SORT1: variants seen among roughly 807,000 people sequenced by gnomAD.
SORT1 encodes the protein sortilin.
SORT1 carries 39 observed loss-of-function variants against 101.7 expected under a neutral mutation model. The ratio of observed to expected loss-of-function variants is 0.38; its 90% CI spans 0.30 to 0.50. The LOEUF is 0.50. Ranked by LOEUF, SORT1 falls within the 20% of genes least tolerant of loss-of-function variation. The pLI is 0.90. For missense variants in SORT1, 878 were observed against 1,040.4 expected, an observed-to-expected ratio of 0.84 and a Z score of 2.15; for synonymous variants, 396 against 393.7, an observed-to-expected ratio of 1.01 and a Z score of -0.07.
At position 109,317,847 on chromosome 1, in the gene SORT1, C is replaced by T; in HGVS notation, c.2141+6G>A. ...CATCGTGACAAGGGAGAAAAGGCCA[C>T]CTCACCCATTTGTTGTTAGGTGTTC... On this transcript the variant is annotated splice_donor_region_variant and intron_variant, in intron 16 of 19. Coordinates refer to ENST00000256637, the MANE Select transcript of SORT1 (RefSeq NM_002959.7). The T allele has an allele frequency of 6.3e-7, 1 of 1,579,110 alleles. No individual in the cohort carries two copies. Among genetic ancestry groups the T allele is most frequent in the Non-Finnish European group, 8.7e-7 (1 of 1,149,134 alleles).
chr1:109,347,067 G>A (rs60301465), intron 7 of SORT1, among the ~76,000 whole-genome samples: 3,650 of 152,300 alleles, frequency 0.024, 153 homozygotes, highest in African/African-American at 0.083. Flanking sequence ...TAGCATATGA[G>A]CAGGTGCTCA....
At chr1:109,388,856 T>C (rs1177159536) in intron 1 of SORT1, among the ~76,000 whole-genome samples, 1 of 152,198 alleles carries the variant, frequency 6.6e-6, no homozygotes, top group African/African-American at 2.4e-5. Context: ...ATCTAATACC[T>C]GAGATCCTGT....
rs1389498466 is a variant in SORT1 at position 109,314,040 on chromosome 1, G to C, written c.*3C>G. On this transcript the variant is annotated 3_prime_UTR_variant, in exon 20 of 20. Coordinates refer to ENST00000256637, the MANE Select transcript of SORT1 (RefSeq NM_002959.7). ...CCATGCTGGGTCCAGCTCCTCTGAA[G>C]AGCTATTCCAAGAGGTCCTGAAAAA... The C allele has an allele frequency of 1.2e-6, 2 of 1,613,854 alleles. No individual in the cohort carries two copies. Among genetic ancestry groups the C allele is most frequent in the Non-Finnish European group, 1.7e-6 (2 of 1,179,884 alleles).
chr1:109,380,505 T>G (rs913341695), intron 1 of SORT1, among the ~76,000 whole-genome samples: 18 of 152,152 alleles, frequency 1.2e-4, no homozygotes, highest in South Asian at 2.1e-4. Context: ...GGGTTTCAAT[T>G]AATATAAAAT....
chr1:109,323,452 G>C (rs766972061), intron 14 of SORT1, among the ~76,000 whole-genome samples: 2 of 152,186 alleles, frequency 1.3e-5, no homozygotes, highest in Non-Finnish European at 2.9e-5. Flanking sequence ...GCACACCTAC[G>C]CCCTCAGTCA....
chr1:109,337,637 CTT>C (rs576096257), intron 10 of SORT1, among the ~76,000 whole-genome samples: 1 of 151,450 alleles, frequency 6.6e-6, no homozygotes, highest in Non-Finnish European at 1.5e-5. Context: ...TGTGAAAACT[CTT>C]TTTTTTGAGA....
chr1:109,387,307 T>G (rs1652627676), intron 1 of SORT1, among the ~76,000 whole-genome samples: 1 of 151,426 alleles, frequency 6.6e-6, no homozygotes, highest in Non-Finnish European at 1.5e-5. Context: ...AATAAATAAA[T>G]AAAAATAAAT....
intron 11 of SORT1, among the ~76,000 whole-genome samples, chr1:109,330,889 T>C (rs947696983): frequency 3.9e-5 from 6 of 152,102 alleles, no homozygotes; most frequent in African/African-American, 1.2e-4. Flanking sequence ...TTTCTAGACA[T>C]ATACAGCTTA....
chr1:109,314,635 G>C, intron 18 of SORT1, 37 bp downstream of exon 18: 1 of 1,418,060 alleles, frequency 7.1e-7, no homozygotes, highest in Non-Finnish European at 1.0e-6. Context: ...CTTCTGGCTT[G>C]AACTCAGTAC....
At chr1:109,325,778 C>G (rs1017872398) in intron 13 of SORT1, among the ~76,000 whole-genome samples, 1 of 151,740 alleles carries the variant, frequency 6.6e-6, no homozygotes, top group Non-Finnish European at 1.5e-5. Flanking sequence ...AGTTCGAGAC[C>G]AGCCTGACCA....
chr1:109,341,008 C>T, intron 9 of SORT1, 129 bp from the exon 10 acceptor site: 6 of 677,002 alleles, frequency 8.9e-6, no homozygotes, highest in Non-Finnish European at 1.5e-5. Context: ...ATGATGAAGA[C>T]TCAGACCTGA....
chr1:109,390,440 C>T (rs1474813166), intron 1 of SORT1, among the ~76,000 whole-genome samples: 1 of 152,006 alleles, frequency 6.6e-6, no homozygotes, highest in African/African-American at 2.4e-5. Context: ...AGCTGCTGCT[C>T]TAGTTTAAAA....
chr1:109,339,316 C>T (rs1209412982), intron 10 of SORT1, among the ~76,000 whole-genome samples: 1 of 152,130 alleles, frequency 6.6e-6, no homozygotes, highest in Admixed American at 6.5e-5. Flanking sequence ...GCTGTTCAGC[C>T]GTTTATTTGT....
intron 8 of SORT1, among the ~76,000 whole-genome samples, chr1:109,343,175 G>T (rs1649341188): frequency 6.6e-6 from 1 of 152,086 alleles, no homozygotes; most frequent in South Asian, 2.1e-4. Flanking sequence ...TAAAACTGAG[G>T]TAATACTATT....
intron 6 of SORT1, among the ~76,000 whole-genome samples, chr1:109,350,554 T>C (rs1312842831): frequency 6.6e-6 from 1 of 152,206 alleles, no homozygotes; most frequent in Non-Finnish European, 1.5e-5. Context: ...ATGACTGAAA[T>C]GGAACTCTAG....
Position 109,324,969 on chromosome 1 carries a change from G to A in SORT1, c.1764C>T (p.Phe588=), listed in dbSNP as rs1224400776. 6.2e-7 allele frequency: 1 copy of A among 1,613,858 alleles called. No homozygotes were observed. Among genetic ancestry groups the A allele is most frequent in the Non-Finnish European group, 8.5e-7 (1 of 1,179,764 alleles). ...ACTGGCTGGTCAGGAAAGATTCTGT[G>A]AAGCCCCAAATGCTGATATTCATGG... ...ARSMNISIWG[F]TESFLTSQWV... Residue 588 remains phenylalanine, a synonymous_variant, in exon 14 of 20, where the codon TTC becomes TTT. Coordinates refer to ENST00000256637, the MANE Select transcript of SORT1 (RefSeq NM_002959.7).
intron 1 of SORT1, among the ~76,000 whole-genome samples, chr1:109,392,195 CCCCCGT>C (rs1042919287): frequency 5.9e-5 from 9 of 152,138 alleles, no homozygotes; most frequent in African/African-American, 2.2e-4. Context: ...AAACGTTACT[CCCCCGT>C]CCTGACCATT....
chr1:109,367,160 G>A (rs1252317201), intron 3 of SORT1: 2 of 318,232 alleles, frequency 6.3e-6, no homozygotes, highest in Non-Finnish European at 1.2e-5. Context: ...CTGGGAGGTG[G>A]AGGCTGCAGT....
chr1:109,347,717 C>T (rs1431780325), intron 6 of SORT1, among the ~76,000 whole-genome samples, 185 bp from the exon 7 acceptor site: 1 of 152,202 alleles, frequency 6.6e-6, no homozygotes, highest in Non-Finnish European at 1.5e-5. Context: ...ACTGCCCGGC[C>T]CATGTGTTGT....
Sources: allele counts gnomAD v4.1 joint callset (sites outside exome capture counted in the v4.1 genomes callset), GRCh38; gene constraint gnomAD v4.1.1; transcripts MANE v1.5; gene names NCBI Gene and HGNC (gene_info 2026-07-23, HGNC 2026-07-21).